PRKD2: variants seen among roughly 807,000 people sequenced by gnomAD.
The protein encoded by PRKD2 is serine/threonine-protein kinase D2.
Under a neutral mutation model 86.0 loss-of-function variants are expected in PRKD2, and 22 were observed. That is an observed-to-expected ratio of 0.26 (90% confidence interval 0.18 to 0.37). The LOEUF (loss-of-function observed/expected upper bound fraction) is 0.37, where lower values mean the gene tolerates loss of function less well. Ranked by LOEUF, PRKD2 falls within the 10% of genes least tolerant of loss-of-function variation. PRKD2 has a pLI of 1.00. For missense variants in PRKD2, 818 were observed against 1,199.2 expected (o/e 0.68, Z 4.70); for synonymous variants, 509 against 510.9 (o/e 1.00, Z 0.05).
rs562763772 is a variant in PRKD2, at chr19:46,675,409, G to A, written c.2339-291C>T. ...TTTTTTTTCTTTTTGTCATATACAG[G>A]TACATACAATTACACCTGTACTATT... On this transcript the variant is annotated intron_variant, in intron 16 of 17. Transcript: ENST00000291281. Among the ~76,000 whole-genome samples the A allele has an allele frequency of 3.3e-5, 5 of 151,912 alleles. No individual in the cohort carries two copies. The South Asian group carries it at 8.3e-4, about 25-fold the overall frequency.
chr19:46,701,022 C>A lies in PRKD2; in HGVS notation c.967+13G>T, dbSNP rs1196354632. 1 of 1,614,242 alleles carries A rather than the reference C, an allele frequency of 6.2e-7. No homozygotes were observed. Among genetic ancestry groups the A allele is most frequent in the Non-Finnish European group, 8.5e-7 (1 of 1,180,042 alleles). The stretch of plus-strand genomic sequence containing the variant: ...CCTTCCCCTTTCTCCCCAGCATCCC[C>A]CCAGCCTCTCACCTCCATTGATAAG... On this transcript the variant is annotated intron_variant, in intron 6 of 17. Coordinates refer to ENST00000291281, the MANE Select transcript of PRKD2 (RefSeq NM_016457.5).
intron 9 of PRKD2, among the ~76,000 whole-genome samples, chr19:46,696,180 AGAT>A (rs1372239732): frequency 1.3e-5 from 2 of 152,190 alleles, no homozygotes; most frequent in East Asian, 3.8e-4. Context: ...CAAAATGGGA[AGAT>A]GATAAGGAAC....
intron 16 of PRKD2, among the ~76,000 whole-genome samples, chr19:46,677,959 G>T (rs1325657278): frequency 2.0e-5 from 3 of 152,076 alleles, no homozygotes; most frequent in African/African-American, 7.2e-5. Context: ...CTACCCACCG[G>T]TGCCTCCTTT....
chr19:46,710,595 T>G (rs1254162723), intron 3 of PRKD2: 3 of 341,054 alleles, frequency 8.8e-6, no homozygotes, highest in African/African-American at 4.1e-5. Flanking sequence ...GATCCCTAAC[T>G]GATAGAGGCC....
chr19:46,712,262 C>G (rs181284933), intron 2 of PRKD2, among the ~76,000 whole-genome samples: 93 of 143,254 alleles, frequency 6.5e-4, no homozygotes, highest in African/African-American at 2.4e-3. Context: ...ATAACAGGGC[C>G]GGGAGCGGTG....
chr19:46,681,606 A>G (rs780574607), intron 15 of PRKD2, 44 bp downstream of exon 15: 6 of 419,570 alleles, frequency 1.4e-5, no homozygotes, highest in Non-Finnish European at 1.9e-5. Context: ...CCCGGCCATC[A>G]GTGTTGCCTG....
Position 46,716,013 on chromosome 19 carries a change from T to C in PRKD2, c.240+118A>G. On this transcript the variant is annotated intron_variant, in intron 1 of 17. Coordinates refer to ENST00000291281, the MANE Select transcript of PRKD2 (RefSeq NM_016457.5). This position sits in a 1 kb window ranked among gnomAD's most constrained non-coding sequence, Gnocchi z 7.9. ...GGGGGCAATGCCCCCTATCCCTCCA[T>C]CACCCAAAGCTCAGGTCTCCTTCCT... The C allele has an allele frequency of 7.0e-7, 1 of 1,431,296 alleles. No homozygotes were observed. Among genetic ancestry groups the C allele is most frequent in the South Asian group, 1.4e-5 (1 of 69,410 alleles). The allele number at this position is 1,431,296 out of a possible 1,614,324, so 88.7% of individuals were successfully genotyped here.
At position 46,716,327 on chromosome 19, in the gene PRKD2, G is replaced by A. The variant is rs2053881189; in HGVS notation, c.44C>T (p.Pro15Leu). 1 of 1,486,712 alleles carries A rather than the reference G, an allele frequency of 6.7e-7. No homozygotes were observed. Among genetic ancestry groups the A allele is most frequent in the East Asian group, 2.6e-5 (1 of 38,246 alleles). The allele number at this position is 1,486,712 out of a possible 1,614,324, so 92.1% of individuals were successfully genotyped here. Reference sequence around the variant, plus strand: ...GGGGGGCGGAGGAGACCCCGGCCCGGGAGAGCCAGGGAGCCCGGCGGGATA... The same window carrying A: ...GGGGGGCGGAGGAGACCCCGGCCCGAGAGAGCCAGGGAGCCCGGCGGGATA... The part of the protein sequence containing the change: ...PSYPAGLPGS[P>L]GPGSPPPPGG... The change falls in exon 1 of 18, where the codon CCC becomes CTC. Residue 15 changes from proline to leucine, a missense_variant. Around this residue, in one of 5 missense-constraint regions of PRKD2, gnomAD observed 403 missense variants for 518.6 expected, o/e 0.78. Coordinates refer to ENST00000291281, the MANE Select transcript of PRKD2 (RefSeq NM_016457.5). This position sits in a 1 kb window ranked among gnomAD's most constrained non-coding sequence, Gnocchi z 7.9.
At chr19:46,682,968 C>T (rs1599813799) in intron 14 of PRKD2, among the ~76,000 whole-genome samples, 1 of 151,870 alleles carries the variant, frequency 6.6e-6, no homozygotes, top group South Asian at 2.1e-4. Flanking sequence ...TCCCAAAGTG[C>T]TTGGATAACA....
chr19:46,676,296 C>T (rs548418673), intron 16 of PRKD2, among the ~76,000 whole-genome samples: 4 of 152,192 alleles, frequency 2.6e-5, no homozygotes, highest in Non-Finnish European at 4.4e-5. Context: ...GGCATGGTAG[C>T]GCATGCCTGT....
intron 2 of PRKD2, among the ~76,000 whole-genome samples, chr19:46,711,599 G>A (rs2053810015): frequency 6.6e-6 from 1 of 151,976 alleles, no homozygotes; most frequent in Non-Finnish European, 1.5e-5. Context: ...CACCATGTTG[G>A]CCAGGATGGT....
At chr19:46,683,221 A>T (rs1304883106) in intron 14 of PRKD2, among the ~76,000 whole-genome samples, 1 of 139,460 alleles carries the variant, frequency 7.2e-6, no homozygotes, top group Non-Finnish European at 1.5e-5. Flanking sequence ...CAGCCTCCTG[A>T]GCAGCTGGGA....
chr19:46,696,249 G>C (rs1361948427), intron 9 of PRKD2, among the ~76,000 whole-genome samples: 4 of 152,094 alleles, frequency 2.6e-5, no homozygotes, highest in African/African-American at 7.2e-5. Flanking sequence ...TGGAGTCCAG[G>C]TTTTATTACT....
chr19:46,674,559 G>A lies in PRKD2; in HGVS notation c.2601C>T (p.Asp867=). The A allele has an allele frequency of 1.9e-6, 3 of 1,612,966 alleles. No homozygotes were observed. The highest frequency in any genetic ancestry group is 2.5e-6 in the Non-Finnish European group (3 of 1,179,928). Residue 867 remains aspartate, a synonymous_variant, in exon 18 of 18, where the codon GAC becomes GAT. Coordinates refer to ENST00000291281, the MANE Select transcript of PRKD2 (RefSeq NM_016457.5). ...LGGACPPQDH[D]MQGLAERISV... ...TGATGCGCTCCGCCAGCCCCTGCAT[G>A]TCGTGGTCCTGTGGTGGACAGGCCC...
At chr19:46,702,046 T>G (rs112720499) in intron 5 of PRKD2, among the ~76,000 whole-genome samples, 5,204 of 150,494 alleles carry the variant, frequency 0.035, 288 homozygotes, top group African/African-American at 0.11. Context: ...TTGTTTTTTT[T>G]TTTTTTTTTT....
intron 17 of PRKD2, 31 bp from the exon 18 acceptor site, chr19:46,674,766 G>A (rs1256715259): frequency 6.3e-7 from 1 of 1,587,424 alleles, no homozygotes; most frequent in Non-Finnish European, 8.5e-7. Flanking sequence ...GTTAGCTTGG[G>A]GTCTGCATTG....
In PRKD2 at chr19:46,716,433, G is replaced by T. The variant is rs2053882642; in HGVS notation, c.-63C>A. 3 of 1,069,620 alleles carry T rather than the reference G, an allele frequency of 2.8e-6. No individual in the cohort carries two copies. Among genetic ancestry groups the T allele is most frequent in the Non-Finnish European group, 2.6e-6 (2 of 783,488 alleles). 66.3% of individuals were successfully genotyped at this position (1,069,620 alleles called of 1,614,324 possible). On this transcript the variant is annotated 5_prime_UTR_variant, in exon 1 of 18. Coordinates refer to ENST00000291281, the MANE Select transcript of PRKD2 (RefSeq NM_016457.5). This position sits in a 1 kb window ranked among gnomAD's most constrained non-coding sequence, Gnocchi z 7.9. ...GGGACCCGGCCGGGGGGCCCCGGGGGACCCTGGGTTCTAGATCCGCGGGAT... is the reference window on the plus strand; with the variant it reads ...GGGACCCGGCCGGGGGGCCCCGGGGTACCCTGGGTTCTAGATCCGCGGGAT...
At chr19:46,712,400 G>A (rs60363656) in intron 2 of PRKD2, among the ~76,000 whole-genome samples, 1 of 151,568 alleles carries the variant, frequency 6.6e-6, no homozygotes, top group Non-Finnish European at 1.5e-5. Flanking sequence ...AATTAGCCAC[G>A]TGTGGTAGCA....
chr19:46,698,149 G>T (rs2053587828), intron 7 of PRKD2, among the ~76,000 whole-genome samples: 1 of 152,036 alleles, frequency 6.6e-6, no homozygotes. Flanking sequence ...CAATCACGGT[G>T]ACCATTAGGT....
Sources: gnomAD v4.1 joint callset for allele counts (sites outside exome capture counted in the v4.1 genomes callset) on GRCh38, gnomAD v4.1.1 for gene constraint, gnomAD v4.1.1 regional missense constraint, Gnocchi (gnomAD v3.1) non-coding constraint, MANE v1.5 for transcripts, NCBI Gene and HGNC (gene_info 2026-07-23, HGNC 2026-07-21) for gene names.